SNRPF: variants seen among roughly 807,000 people sequenced by gnomAD.
SNRPF encodes small nuclear ribonucleoprotein polypeptide F.
A neutral mutation model predicts 13.4 loss-of-function variants in SNRPF; 1 was observed. The ratio of observed to expected loss-of-function variants is 0.07; its 90% CI spans 0.03 to 0.35. The LOEUF (loss-of-function observed/expected upper bound fraction) is 0.35. Among genes scored for constraint, SNRPF ranks in the 10% least tolerant of loss-of-function variants. The pLI is 0.99. For missense variants in SNRPF, 53 were observed against 101.0 expected (o/e 0.52, Z 2.04); for synonymous variants, 27 against 32.1 (o/e 0.84, Z 0.54).
intron 3 of SNRPF, 99 bp from the exon 4 acceptor site, chr12:95,865,906 A>G: frequency 2.1e-6 from 1 of 479,764 alleles, no homozygotes; most frequent in Non-Finnish European, 3.7e-6. Context: ...CAAGAATATT[A>G]TAAATATAGT....
chr12:95,860,750 A>G (rs6538677), intron 1 of SNRPF, among the ~76,000 whole-genome samples: 96,482 of 151,234 alleles, frequency 0.64, 31,839 homozygotes, highest in African/African-American at 0.8. Context: ...GGGTCTCACT[A>G]TGTTGCCTGG....
rs1486417312 is a variant in SNRPF, at chr12:95,866,102, A to G, written c.*31A>G. The G allele has an allele frequency of 7.7e-6, 8 of 1,043,546 alleles. No individual in the cohort carries two copies. The highest frequency in any genetic ancestry group is 1.0e-5 in the Non-Finnish European group (7 of 695,480). The allele number at this position is 1,043,546 out of a possible 1,614,324, so 64.6% of individuals were successfully genotyped here. ...TTTGTGGGGGATTTTTTTTATATAT[A>G]TTTCTAGACAATAAAGATTTGTTTG... is the stretch of plus-strand genomic sequence containing the variant. On this transcript the variant is annotated 3_prime_UTR_variant, in exon 4 of 4. Transcript: ENST00000266735.
chr12:95,864,377 C>T (rs2079511548), intron 2 of SNRPF, among the ~76,000 whole-genome samples: 1 of 152,126 alleles, frequency 6.6e-6, no homozygotes, highest in Non-Finnish European at 1.5e-5. Context: ...ACAAGTAGAG[C>T]TTGTTACCTA....
At chr12:95,861,038 A>T (rs2079493325) in intron 1 of SNRPF, 130 bp from the exon 2 acceptor site, 1 of 690,194 alleles carries the variant, frequency 1.4e-6, no homozygotes, top group Non-Finnish European at 2.3e-6. Flanking sequence ...AGTGAAAATT[A>T]TGTACTAAAA....
Position 95,858,981 on chromosome 12 carries a change from C to T in SNRPF, c.-93C>T, listed in dbSNP as rs1294111204. The T allele has an allele frequency of 1.3e-6, 2 of 1,580,092 alleles. No individual in the cohort carries two copies. The highest frequency in any genetic ancestry group is 1.7e-6 in the Non-Finnish European group (2 of 1,163,422). On this transcript the variant is annotated 5_prime_UTR_variant, in exon 1 of 4. Transcript: ENST00000266735. ...TTGGCGGCCATTTCTCTTGAAACTG[C>T]GGCTCGGGACCTGCGGTACCTGCTG...
rs1381756069 is a variant in SNRPF, at chr12:95,861,385, C to A, written c.129+92C>A. On this transcript the variant is annotated intron_variant, in intron 2 of 3. Coordinates refer to ENST00000266735, the MANE Select transcript of SNRPF (RefSeq NM_003095.5). ...TTAGTCTGACTAATAAGAATACATA[C>A]AATTAAATTGACAAATATACGGCAA... 26 of 1,223,410 alleles carry A rather than the reference C, an allele frequency of 2.1e-5. No homozygotes were observed. In the East Asian group the frequency reaches 6.6e-4, roughly 31 times the overall value. The allele number at this position is 1,223,410 out of a possible 1,614,324, so 75.8% of individuals were successfully genotyped here.
At chr12:95,860,140 C>G (rs1025979137) in intron 1 of SNRPF, among the ~76,000 whole-genome samples, 6 of 152,206 alleles carry the variant, frequency 3.9e-5, no homozygotes, top group African/African-American at 1.4e-4. Flanking sequence ...TAAGTAATTG[C>G]TGTAAGTAAG....
intron 1 of SNRPF, among the ~76,000 whole-genome samples, chr12:95,859,484 T>C (rs1327311763): frequency 6.6e-6 from 1 of 152,176 alleles, no homozygotes; most frequent in Non-Finnish European, 1.5e-5. Context: ...ATAACAAGTA[T>C]GTAATTGCAA....
intron 3 of SNRPF, among the ~76,000 whole-genome samples, chr12:95,865,651 C>T (rs2079517804): frequency 6.6e-6 from 1 of 152,036 alleles, no homozygotes; most frequent in Non-Finnish European, 1.5e-5. Context: ...GCAGTGGCAA[C>T]CTTTTGCAGT....
chr12:95,859,137 G>A, intron 1 of SNRPF, 61 bp downstream of exon 1: 2 of 1,431,254 alleles, frequency 1.4e-6, no homozygotes, highest in Non-Finnish European at 2.0e-6. Flanking sequence ...GACCAGCCTC[G>A]CGGGGCCTGC....
At chr12:95,861,110 G>T (rs1366507144) in intron 1 of SNRPF, 58 bp from the exon 2 acceptor site, 2 of 1,522,926 alleles carry the variant, frequency 1.3e-6, no homozygotes, top group Non-Finnish European at 1.8e-6. Flanking sequence ...TTCGGTAGAA[G>T]AGAGTTGGTG....
intron 1 of SNRPF, 94 bp from the exon 2 acceptor site, chr12:95,861,074 A>G (rs951937355): frequency 1.6e-6 from 2 of 1,220,694 alleles, no homozygotes; most frequent in African/African-American, 3.1e-5. Flanking sequence ...AGTTTTCTTC[A>G]TTTGCATACC....
intron 2 of SNRPF, among the ~76,000 whole-genome samples, chr12:95,862,104 T>C (rs753130858): frequency 3.9e-5 from 6 of 152,236 alleles, no homozygotes; most frequent in Non-Finnish European, 8.8e-5. Context: ...TAATACCTCA[T>C]GTAAGTGGAA....
At chr12:95,865,731 T>C (rs1163555083) in intron 3 of SNRPF, among the ~76,000 whole-genome samples, 3 of 152,174 alleles carry the variant, frequency 2.0e-5, no homozygotes, top group Non-Finnish European at 4.4e-5. Context: ...TGATTTTCTG[T>C]ACTAGCTTCA....
intron 3 of SNRPF, 126 bp from the exon 4 acceptor site, chr12:95,865,879 A>T: frequency 2.5e-6 from 1 of 402,732 alleles, no homozygotes; most frequent in Non-Finnish European, 4.5e-6. Context: ...AATATATTTA[A>T]AAAATTTTTT....
intron 2 of SNRPF, chr12:95,861,705 A>G (rs925087841): frequency 1.8e-5 from 3 of 168,936 alleles, no homozygotes; most frequent in African/African-American, 7.3e-5. Flanking sequence ...TTCAGGGGAA[A>G]GACAGATCTG....
chr12:95,865,313 T>C lies in SNRPF; in HGVS notation c.130-11T>C. The C allele has an allele frequency of 7.1e-7, 1 of 1,418,220 alleles. No homozygotes were observed. Among genetic ancestry groups the C allele is most frequent in the Non-Finnish European group, 1.0e-6 (1 of 1,004,236 alleles). 87.9% of individuals were successfully genotyped at this position (1,418,220 alleles called of 1,614,324 possible). On this transcript the variant is annotated splice_polypyrimidine_tract_variant and intron_variant, in intron 2 of 3. Coordinates refer to ENST00000266735, the MANE Select transcript of SNRPF (RefSeq NM_003095.5). ...GTGTGATTATACTAATATATTTCTT[T>C]TTATTGAAAGCTTGCAAATACAGAA...
At chr12:95,864,402 G>A (rs1361194468) in intron 2 of SNRPF, among the ~76,000 whole-genome samples, 2 of 152,148 alleles carry the variant, frequency 1.3e-5, no homozygotes, top group African/African-American at 4.8e-5. Context: ...TAGAAGGAAA[G>A]CTAAACATTT....
intron 2 of SNRPF, among the ~76,000 whole-genome samples, chr12:95,863,819 C>T (rs1314108227): frequency 1.3e-5 from 2 of 152,136 alleles, no homozygotes; most frequent in East Asian, 3.9e-4. Context: ...TTTGAGGGAA[C>T]AGCAAGTACA....
Sources: allele counts gnomAD v4.1 joint callset (sites outside exome capture counted in the v4.1 genomes callset), GRCh38; gene constraint gnomAD v4.1.1; transcripts MANE v1.5; gene names NCBI Gene and HGNC (gene_info 2026-07-23, HGNC 2026-07-21).